Variants in EIF6 observed in about 807,000 individuals in gnomAD.
EIF6 encodes eukaryotic translation initiation factor 6, also known as B4 integrin interactor.
In EIF6, 10 loss-of-function variants were observed where a neutral mutation model predicts 25.5. The ratio of observed to expected loss-of-function variants is 0.39; its 90% CI spans 0.24 to 0.66. EIF6 has a LOEUF of 0.66. Ranked by LOEUF, EIF6 falls within the 30% of genes least tolerant of loss-of-function variation. The pLI is 0.45. For synonymous variants in EIF6, 122 were observed against 122.6 expected (o/e 1.00, Z 0.03); for missense variants, 246 against 315.4 (o/e 0.78, Z 1.67).
intron 5 of EIF6, 31 bp from the exon 6 acceptor site, chr20:35,279,778 G>A (rs774206456): frequency 2.5e-6 from 4 of 1,611,140 alleles, no homozygotes; most frequent in South Asian, 1.1e-5. Flanking sequence ...TGTGAGTCAC[G>A]GCACCAAATT....
At chr20:35,281,170 GGAGATC>G (rs1452049575) in intron 3 of EIF6, among the ~76,000 whole-genome samples, 1 of 152,110 alleles carries the variant, frequency 6.6e-6, no homozygotes, top group East Asian at 1.9e-4. Flanking sequence ...CACAAGGTCA[GGAGATC>G]GAGATCGAGA....
intron 3 of EIF6, among the ~76,000 whole-genome samples, chr20:35,282,429 A>G (rs961730219): frequency 1.3e-5 from 2 of 152,192 alleles, no homozygotes; most frequent in East Asian, 1.9e-4. Context: ...ACGCCAATCA[A>G]TTTCTGAATT....
chr20:35,281,560 T>C (rs763782530), intron 3 of EIF6, among the ~76,000 whole-genome samples: 2 of 151,846 alleles, frequency 1.3e-5, no homozygotes, highest in Non-Finnish European at 2.9e-5. Context: ...ATTCTCCTGC[T>C]TCGGCCTCCT....
rs569697679 is a variant in EIF6, at chr20:35,282,682, G to A, written c.193+1494C>T. 6.0e-5 allele frequency among the ~76,000 whole-genome samples: 9 copies of A among 151,188 alleles called. No homozygotes were observed. The East Asian group carries it at 1.2e-3, about 20-fold the overall frequency. On this transcript the variant is annotated intron_variant, in intron 3 of 6. Transcript: ENST00000374450. ...TGCAATGGCACAATCTCAGCTCACC[G>A]CAGGGTGAGCTCCACCTCCAGGGTT...
chr20:35,279,252 C>T, intron 6 of EIF6, 46 bp from the exon 7 acceptor site: 2 of 1,607,730 alleles, frequency 1.2e-6, no homozygotes, highest in Non-Finnish European at 1.7e-6. Flanking sequence ...TTCACAGAGC[C>T]CACCTCACTC....
At chr20:35,284,108 C>T in intron 3 of EIF6, 68 bp downstream of exon 3, 2 of 1,512,792 alleles carry the variant, frequency 1.3e-6, no homozygotes, top group East Asian at 2.3e-5. Context: ...ACTCCGGGTT[C>T]CCTCCGGGGG....
chr20:35,280,590 G>A, intron 4 of EIF6, 64 bp downstream of exon 4: 2 of 1,573,058 alleles, frequency 1.3e-6, no homozygotes, highest in Non-Finnish European at 1.7e-6. Flanking sequence ...TGTTGGGAAA[G>A]AACAGTGGCT....
intron 3 of EIF6, among the ~76,000 whole-genome samples, chr20:35,281,372 C>G (rs1218227357): frequency 3.4e-5 from 5 of 147,560 alleles, no homozygotes; most frequent in African/African-American, 1.3e-4. Context: ...GGTGACAGAG[C>G]GAAACTCCGT....
intron 3 of EIF6, 112 bp from the exon 4 acceptor site, chr20:35,280,941 A>G (rs1336099436): frequency 1.6e-6 from 2 of 1,275,696 alleles, no homozygotes; most frequent in Non-Finnish European, 2.2e-6. Context: ...CTTTAGGCCC[A>G]GAGCCCAGCC....
chr20:35,280,532 T>G, intron 4 of EIF6, 122 bp downstream of exon 4: 3 of 1,203,952 alleles, frequency 2.5e-6, no homozygotes, highest in South Asian at 3.0e-5. Context: ...TACCTGAAAC[T>G]CAAGAGCCCA....
chr20:35,283,009 C>G, intron 3 of EIF6, among the ~76,000 whole-genome samples: 1 of 151,986 alleles, frequency 6.6e-6, no homozygotes, highest in Non-Finnish European at 1.5e-5. Context: ...ATGAAAGGAC[C>G]GGCCGGGCGC....
At chr20:35,283,299 A>T (rs966165996) in intron 3 of EIF6, among the ~76,000 whole-genome samples, 1 of 151,982 alleles carries the variant, frequency 6.6e-6, no homozygotes, top group African/African-American at 2.4e-5. Flanking sequence ...AAAAAAAATA[A>T]TAATAATAAT....
chr20:35,281,855 A>G lies in EIF6; in HGVS notation c.194-1026T>C, dbSNP rs541862516. ...AGTGTAAGTTGGTCAATCACTTTAGATAATTATCTGGCATCATCTGCAACT... is the reference window on the plus strand; with the variant it reads ...AGTGTAAGTTGGTCAATCACTTTAGGTAATTATCTGGCATCATCTGCAACT... On this transcript the variant is annotated intron_variant, in intron 3 of 6. Transcript: ENST00000374450. Among the ~76,000 whole-genome samples the G allele has an allele frequency of 2.1e-3, 321 of 152,350 alleles. 2 individuals carry two copies. Among genetic ancestry groups the G allele is most frequent in the African/African-American group, 7.6e-3 (315 of 41,576 alleles).
Position 35,280,126 on chromosome 20 carries a change from T to C in EIF6, c.370-8A>G. 1 of 1,613,528 alleles carries C rather than the reference T, an allele frequency of 6.2e-7. No individual in the cohort carries two copies. The highest frequency in any genetic ancestry group is 1.3e-5 in the African/African-American group (1 of 75,014). ...CAGAATTTCTTCTGTCTCCTGTCAA[T>C]CAAAGATATTGTGTTCAGGGCTCAG... On this transcript the variant is annotated splice_region_variant and splice_polypyrimidine_tract_variant and intron_variant, in intron 4 of 6. Coordinates refer to ENST00000374450, the MANE Select transcript of EIF6 (RefSeq NM_002212.4).
Position 35,280,893 on chromosome 20 carries a change from T to C in EIF6, c.194-64A>G. 3.9e-6 allele frequency: 6 copies of C among 1,555,676 alleles called. No individual in the cohort carries two copies. The South Asian group carries it at 5.8e-5, about 15-fold the overall frequency. On this transcript the variant is annotated intron_variant, in intron 3 of 6. Coordinates refer to ENST00000374450, the MANE Select transcript of EIF6 (RefSeq NM_002212.4). ...CCTGCTGAGCCCTAGGGGCTGAGGATACCACTCAGCCCAGCCCAATCAGCT... is the reference window on the plus strand; with the variant it reads ...CCTGCTGAGCCCTAGGGGCTGAGGACACCACTCAGCCCAGCCCAATCAGCT...
chr20:35,280,708 G>T lies in EIF6; in HGVS notation c.315C>A (p.Gly105=). 1 of 1,613,828 alleles carries T rather than the reference G, an allele frequency of 6.2e-7. No homozygotes were observed. The change falls in exon 4 of 7, where the codon GGC becomes GGA. Residue 105 remains glycine (G), a synonymous_variant. Coordinates refer to ENST00000374450, the MANE Select transcript of EIF6 (RefSeq NM_002212.4). The stretch of plus-strand genomic sequence containing the variant: ...CGTAGTCATTGCAGGTGGTGACATT[G>T]CCCAAGGCTGAGAGCCGCTCCTCCA... ...RRVEERLSAL[G]NVTTCNDYVA... is the part of the protein sequence containing the mutation.
rs1056416229 is a variant in EIF6 at position 35,282,285 on chromosome 20, G to A, written c.194-1456C>T. Among the ~76,000 whole-genome samples, 7 of 152,152 alleles carry A rather than the reference G, an allele frequency of 4.6e-5. No individual in the cohort carries two copies. In the East Asian group the frequency reaches 1.2e-3, roughly 25 times the overall value. On this transcript the variant is annotated intron_variant, in intron 3 of 6. Transcript: ENST00000374450. ...ATTACAGGCGTGAGCCACCATGCCCGGCCAGCAGCACTATTCCTAACAGAC... is the reference window on the plus strand; with the variant it reads ...ATTACAGGCGTGAGCCACCATGCCCAGCCAGCAGCACTATTCCTAACAGAC...
At chr20:35,280,909 C>T (rs900300903) in intron 3 of EIF6, 80 bp from the exon 4 acceptor site, 16 of 1,501,152 alleles carry the variant, frequency 1.1e-5, no homozygotes, top group Non-Finnish European at 1.5e-5. Flanking sequence ...TCAGCCCAGC[C>T]CAATCAGCTT....
intron 5 of EIF6, 26 bp from the exon 6 acceptor site, chr20:35,279,773 G>C: frequency 1.2e-6 from 2 of 1,612,068 alleles, no homozygotes; most frequent in South Asian, 2.2e-5. Context: ...CTCAATGTGA[G>C]TCACGGCACC....
Sources: gnomAD v4.1 joint callset for allele counts (sites outside exome capture counted in the v4.1 genomes callset) on GRCh38, gnomAD v4.1.1 for gene constraint, MANE v1.5 for transcripts, NCBI Gene and HGNC (gene_info 2026-07-23, HGNC 2026-07-21) for gene names.